The following BAALC variants were observed in gnomAD, a reference collection of about 807,000 sequenced individuals.
BAALC encodes BAALC binder of MAP3K1 and KLF4.
BAALC carries 9 observed loss-of-function variants against 15.5 expected under a neutral mutation model. The observed-to-expected ratio is 0.58, with a 90% CI of 0.35 to 1.02. The LOEUF is 1.02. Ranked by LOEUF, BAALC falls within the 50% of genes least tolerant of loss-of-function variation. The pLI, the probability that BAALC is intolerant of heterozygous loss-of-function variation, is 0.02. For missense variants in BAALC, 201 were observed against 192.4 expected (o/e 1.04, Z -0.27); for synonymous variants, 80 against 74.6 (o/e 1.07, Z -0.37).
At chr8:103,190,682 G>A (rs781016248) in intron 1 of BAALC, among the ~76,000 whole-genome samples, 7 of 152,104 alleles carry the variant, frequency 4.6e-5, no homozygotes, top group Admixed American at 2.0e-4. Flanking sequence ...ATGGCACTCC[G>A]GGACTAGACC....
Position 103,155,046 on chromosome 8 carries a change from G to A in BAALC, c.160+13989G>A, listed in dbSNP as rs561914713. ...TTCATCTCTGCCTCCATTCCACTTC[G>A]CCAATTAAACATTTTTGAAGCAAAT... is the stretch of plus-strand genomic sequence containing the variant. On this transcript the variant is annotated intron_variant, in intron 1 of 2. Transcript: ENST00000309982. Among the ~76,000 whole-genome samples the A allele has an allele frequency of 1.6e-4, 24 of 151,606 alleles. No individual in the cohort carries two copies. The South Asian group carries it at 3.7e-3, about 24-fold the overall frequency.
At chr8:103,190,953 T>C (rs2130001312) in intron 1 of BAALC, 1 of 152,392 alleles carries the variant, frequency 6.6e-6, no homozygotes, top group South Asian at 2.1e-4. Context: ...CCTAGCACTT[T>C]GGAAGGCTGA....
chr8:103,177,193 GTT>G (rs67361726), intron 1 of BAALC, among the ~76,000 whole-genome samples: 48,246 of 145,444 alleles, frequency 0.33, 8,970 homozygotes, highest in Non-Finnish European at 0.44. Flanking sequence ...TTGTTGTTTT[GTT>G]TTTTTTTTTT....
intron 1 of BAALC, among the ~76,000 whole-genome samples, chr8:103,196,483 G>A (rs550854676): frequency 6.6e-6 from 1 of 152,022 alleles, no homozygotes; most frequent in Admixed American, 6.6e-5. Context: ...TTTTTGCCAT[G>A]TTGCCCACAC....
intron 1 of BAALC, among the ~76,000 whole-genome samples, chr8:103,168,511 GT>G (rs200573493): frequency 0.3 from 41,920 of 140,418 alleles, 5,944 homozygotes; most frequent in East Asian, 0.5. Context: ...ATATGTGTTT[GT>G]TTTTTTTTTT....
Position 103,212,986 on chromosome 8 carries a change from C to G in BAALC, c.228C>G (p.Asn76Lys), listed in dbSNP as rs1262884554. Residue 76 changes from asparagine (N) to lysine (K), a missense_variant, in exon 2 of 3, where the codon AAC becomes AAG. By Grantham distance (94) the Asn-to-Lys change is moderately conservative. Coordinates refer to ENST00000309982, the MANE Select transcript of BAALC (RefSeq NM_024812.3). Reference protein sequence around the residue: ...PRSTAPGGIPNPEKKTNCETQ... With the variant: ...PRSTAPGGIPKPEKKTNCETQ... ...CTACAGCCCCAGGTGGAATACCCAA[C>G]CCAGAGAAGAAGACGAACTGTGAGA... The G allele has an allele frequency of 6.2e-7, 1 of 1,614,142 alleles. No homozygotes were observed. Among genetic ancestry groups the G allele is most frequent in the Non-Finnish European group, 8.5e-7 (1 of 1,179,976 alleles).
chr8:103,140,741 G>A lies in BAALC; in HGVS notation c.-157G>A. 1 of 474,306 alleles carries A rather than the reference G, an allele frequency of 2.1e-6. No individual in the cohort carries two copies. The allele number at this position is 474,306 out of a possible 1,614,324, so 29.4% of individuals were successfully genotyped here. A position where few individuals can be genotyped will look rare whatever the true frequency, so the allele number is the denominator to read the frequency against. ...AGAGGGCCCGGACTAGGGGCGGCGG[G>A]CACCGCAGGAGCTCCGCGCGGCTGC... On this transcript the variant is annotated 5_prime_UTR_variant, in exon 1 of 3. Transcript: ENST00000309982. This position sits in a 1 kb window ranked among gnomAD's most constrained non-coding sequence, Gnocchi z 4.2.
chr8:103,229,952 G>A lies in BAALC; in HGVS notation c.*1853G>A, dbSNP rs1812891810. On this transcript the variant is annotated 3_prime_UTR_variant, in exon 3 of 3. Transcript: ENST00000309982. ...GTTGGCAGTGATCCTGCAAGTTCAA[G>A]GGCTCTTTCTCCCTGGGGATGTGCT... 6.6e-6 allele frequency: 1 copy of A among 152,198 alleles called. No individual in the cohort carries two copies. Among genetic ancestry groups the A allele is most frequent in the African/African-American group, 2.4e-5 (1 of 41,452 alleles). 9.4% of individuals were successfully genotyped at this position (152,198 alleles called of 1,614,324 possible).
Position 103,230,157 on chromosome 8 carries a change from C to G in BAALC, c.*2058C>G, listed in dbSNP as rs1812897669. 1 of 152,172 alleles carries G rather than the reference C, an allele frequency of 6.6e-6. No individual in the cohort carries two copies. 9.4% of individuals were successfully genotyped at this position (152,172 alleles called of 1,614,324 possible). ...CAGAACAATCTGGATTTCACGGAGA[C>G]AGCAACCAGAAGTTAAACCATGTGA... On this transcript the variant is annotated 3_prime_UTR_variant, in exon 3 of 3. Coordinates refer to ENST00000309982, the MANE Select transcript of BAALC (RefSeq NM_024812.3).
intron 1 of BAALC, among the ~76,000 whole-genome samples, chr8:103,154,383 G>A (rs1586376471): frequency 6.6e-6 from 1 of 151,990 alleles, no homozygotes. Context: ...TGTCCTCACC[G>A]CCTTTCACCT....
At chr8:103,227,093 G>A (rs1444911730) in intron 2 of BAALC, among the ~76,000 whole-genome samples, 1 of 152,112 alleles carries the variant, frequency 6.6e-6, no homozygotes, top group Admixed American at 6.5e-5. Context: ...TGCTGTGTTG[G>A]TATTAAAGAT....
intron 1 of BAALC, among the ~76,000 whole-genome samples, chr8:103,188,648 G>A (rs986136966): frequency 1.2e-4 from 19 of 152,162 alleles, no homozygotes; most frequent in African/African-American, 3.9e-4. Flanking sequence ...GGAATTCTGC[G>A]AGATAAAATA....
At chr8:103,160,237 G>A (rs1203707778) in intron 1 of BAALC, among the ~76,000 whole-genome samples, 2 of 152,162 alleles carry the variant, frequency 1.3e-5, no homozygotes, top group Non-Finnish European at 1.5e-5. Flanking sequence ...GTAAGAGCAG[G>A]CCCAAGCATA....
chr8:103,154,112 G>A (rs1337693595), intron 1 of BAALC, among the ~76,000 whole-genome samples: 1 of 152,198 alleles, frequency 6.6e-6, no homozygotes, highest in Non-Finnish European at 1.5e-5. Context: ...AAGTGATGAT[G>A]TACAAGCACA....
At chr8:103,184,624 T>C (rs1205647406) in intron 1 of BAALC, among the ~76,000 whole-genome samples, 1 of 152,208 alleles carries the variant, frequency 6.6e-6, no homozygotes, top group Non-Finnish European at 1.5e-5. Context: ...TGTTACCCTT[T>C]GCTCTCTCCC....
intron 1 of BAALC, among the ~76,000 whole-genome samples, chr8:103,212,274 G>A (rs1307845815): frequency 2.6e-5 from 4 of 151,922 alleles, no homozygotes; most frequent in Non-Finnish European, 1.5e-5. Flanking sequence ...GTGAGACCCT[G>A]TCTCTACAAA....
chr8:103,193,509 G>C (rs1363416757), intron 1 of BAALC, among the ~76,000 whole-genome samples: 1 of 152,142 alleles, frequency 6.6e-6, no homozygotes, highest in Non-Finnish European at 1.5e-5. Flanking sequence ...GCCTGGGAGT[G>C]GGGAACTGTG....
intron 1 of BAALC, among the ~76,000 whole-genome samples, chr8:103,146,393 C>T (rs959828724): frequency 1.3e-5 from 2 of 152,186 alleles, no homozygotes; most frequent in Non-Finnish European, 2.9e-5. Context: ...TCCACCCACA[C>T]CCCAGCTGCC....
chr8:103,168,878 C>A (rs968541044), intron 1 of BAALC, among the ~76,000 whole-genome samples: 4 of 151,998 alleles, frequency 2.6e-5, no homozygotes, highest in Non-Finnish European at 4.4e-5. Context: ...TGAAACTTTA[C>A]TTTTCAAAAA....
Sources: gnomAD v4.1 joint callset for allele counts (sites outside exome capture counted in the v4.1 genomes callset) on GRCh38, gnomAD v4.1.1 for gene constraint, Gnocchi (gnomAD v3.1) non-coding constraint, MANE v1.5 for transcripts, NCBI Gene and HGNC (gene_info 2026-07-23, HGNC 2026-07-21) for gene names.